The following VCAN variants were observed in gnomAD, a reference collection of about 807,000 sequenced individuals.
The protein encoded by VCAN is versican core protein.
VCAN carries 44 observed loss-of-function variants against 245.5 expected under a neutral mutation model. That is an observed-to-expected ratio of 0.18 (90% CI 0.14 to 0.23). The LOEUF is 0.23. VCAN is among the 10% of genes least tolerant of loss of function. The pLI, the probability that VCAN is intolerant of heterozygous loss-of-function variation, is 1.00. For synonymous variants in VCAN, 1,413 were observed against 1,437.0 expected (o/e 0.98, Z 0.38); for missense variants, 3,793 against 4,057.9 (o/e 0.93, Z 1.77).
chr5:83,486,177 C>T (rs1453560264), intron 2 of VCAN, among the ~76,000 whole-genome samples: 6 of 152,108 alleles, frequency 3.9e-5, no homozygotes, highest in Non-Finnish European at 8.8e-5. Context: ...CCTCCATGTT[C>T]CCCTTGTCCC....
rs1214175564 is a variant in VCAN at position 83,580,670 on chromosome 5, A to C, written c.*236A>C. 1 of 554,960 alleles carries C rather than the reference A, an allele frequency of 1.8e-6. No individual in the cohort carries two copies. The highest frequency in any genetic ancestry group is 1.9e-5 in the African/African-American group (1 of 52,530). The allele number at this position is 554,960 out of a possible 1,614,324, so 34.4% of individuals were successfully genotyped here. ...AAAGTAAGCATTTCCAGCCTATCTAATTTCTTTAGTTTTCTATTTGCCTCC... is the reference window on the plus strand; with the variant it reads ...AAAGTAAGCATTTCCAGCCTATCTACTTTCTTTAGTTTTCTATTTGCCTCC... On this transcript the variant is annotated 3_prime_UTR_variant, in exon 15 of 15. Coordinates refer to ENST00000265077, the MANE Select transcript of VCAN (RefSeq NM_004385.5).
chr5:83,511,038 C>T (rs910572530), intron 5 of VCAN, among the ~76,000 whole-genome samples: 2 of 151,510 alleles, frequency 1.3e-5, no homozygotes, highest in African/African-American at 4.8e-5. Context: ...CGCTTGAACC[C>T]GGGAGGTGTA....
intron 12 of VCAN, among the ~76,000 whole-genome samples, chr5:83,555,959 T>C (rs1747651507): frequency 6.6e-6 from 1 of 152,216 alleles, no homozygotes; most frequent in South Asian, 2.1e-4. Flanking sequence ...TTTTATTACT[T>C]AGGTATTCAG....
intron 5 of VCAN, among the ~76,000 whole-genome samples, chr5:83,504,327 T>C (rs1745419453): frequency 6.6e-6 from 1 of 152,218 alleles, no homozygotes; most frequent in African/African-American, 2.4e-5. Context: ...AAGGCTCTGT[T>C]GTATATCATA....
At chr5:83,548,463 A>G (rs1331793230) in intron 10 of VCAN, among the ~76,000 whole-genome samples, 4 of 152,190 alleles carry the variant, frequency 2.6e-5, no homozygotes, top group Admixed American at 6.5e-5. Flanking sequence ...CTTATTTTTC[A>G]TAGTCAATCA....
chr5:83,543,958 C>G (rs1394302976), intron 8 of VCAN, among the ~76,000 whole-genome samples: 1 of 152,214 alleles, frequency 6.6e-6, no homozygotes, highest in Non-Finnish European at 1.5e-5. Context: ...ATTGGAACGA[C>G]TTCCAGTTCA....
chr5:83,474,930 A>T (rs1340570054), intron 1 of VCAN, among the ~76,000 whole-genome samples: 1 of 151,986 alleles, frequency 6.6e-6, no homozygotes, highest in Non-Finnish European at 1.5e-5. Context: ...GAGGCAGGGG[A>T]GAGGTTAAAA....
At chr5:83,524,268 T>G (rs1468072605) in intron 7 of VCAN, among the ~76,000 whole-genome samples, 1 of 152,118 alleles carries the variant, frequency 6.6e-6, no homozygotes, top group Non-Finnish European at 1.5e-5. Flanking sequence ...CATTTATAAG[T>G]GAGTTGTGGA....
chr5:83,553,484 C>T lies in VCAN; in HGVS notation c.9614C>T (p.Thr3205Ile), dbSNP rs1186770708. 3 of 1,614,042 alleles carry T rather than the reference C, an allele frequency of 1.9e-6. No homozygotes were observed. The African/African-American group carries it at 4.0e-5, about 22-fold the overall frequency. ...TGCCGTCTGCAGGGTGCCCATCTCA[C>T]AAGCATCCTGTCTCACGAAGAACAA... ...RECRLQGAHL[T>I]SILSHEEQMF... The change falls in exon 11 of 15, where the codon ACA (threonine) becomes ATA (isoleucine). Residue 3205 changes from threonine to isoleucine, a missense_variant. Coordinates refer to ENST00000265077, the MANE Select transcript of VCAN (RefSeq NM_004385.5).
At position 83,512,347 on chromosome 5, in the gene VCAN, G is replaced by A; in HGVS notation, c.993G>A (p.Gln331=). 1.2e-6 allele frequency: 2 copies of A among 1,610,642 alleles called. No individual in the cohort carries two copies. The highest frequency in any genetic ancestry group is 2.2e-5 in the South Asian group (2 of 90,994). Residue 331 remains glutamine, a synonymous_variant, in exon 6 of 15, where the codon CAG becomes CAA. Coordinates refer to ENST00000265077, the MANE Select transcript of VCAN (RefSeq NM_004385.5). ...GAACCCTGTATCGTTTTGAGAACCA[G>A]ACAGGCTTCCCTCCCCCTGATAGCA... ...GVRTLYRFEN[Q]TGFPPPDSRF...
At chr5:83,558,218 GTGCAGGCCTT>G (rs1168904951) in intron 12 of VCAN, among the ~76,000 whole-genome samples, 1 of 152,056 alleles carries the variant, frequency 6.6e-6, no homozygotes, top group African/African-American at 2.4e-5. Flanking sequence ...TTCCATATGT[GTGCAGGCCTT>G]TGAATAAAAT....
intron 1 of VCAN, among the ~76,000 whole-genome samples, chr5:83,475,874 A>G (rs1326332150): frequency 6.6e-6 from 1 of 152,222 alleles, no homozygotes; most frequent in African/African-American, 2.4e-5. Flanking sequence ...TTTGGTAGAT[A>G]AAAACAGAGT....
At chr5:83,516,937 T>C (rs1287315835) in intron 6 of VCAN, among the ~76,000 whole-genome samples, 1 of 152,234 alleles carries the variant, frequency 6.6e-6, no homozygotes, top group Non-Finnish European at 1.5e-5. Flanking sequence ...CCACCCAAAC[T>C]GAAAAGGAAG....
chr5:83,522,290 G>C lies in VCAN; in HGVS notation c.3984G>C (p.Glu1328Asp). ...FHPDINVYII[E>D]VRENKTGRMS... is the part of the protein sequence containing the mutation. ...CTGACATTAATGTTTATATTATTGA[G>C]GTCAGAGAAAATAAGACAGGTAAGT... is the stretch of plus-strand genomic sequence containing the variant. Residue 1328 changes from glutamate to aspartate, a missense_variant, in exon 7 of 15, where the codon GAG (glutamate) becomes GAC (aspartate). Physicochemically the swap from Glu to Asp is conservative, Grantham distance 45 (BLOSUM62 2). Around this residue, in one of 5 missense-constraint regions of VCAN, gnomAD observed 3,182 missense variants for 3,250.3 expected, o/e 0.98. Transcript: ENST00000265077. The C allele has an allele frequency of 6.3e-7, 1 of 1,598,878 alleles. No individual in the cohort carries two copies. Among genetic ancestry groups the C allele is most frequent in the Non-Finnish European group, 8.5e-7 (1 of 1,179,872 alleles).
At position 83,545,530 on chromosome 5, in the gene VCAN, A is replaced by G; in HGVS notation, c.9266-7A>G. 6.2e-7 allele frequency: 1 copy of G among 1,613,224 alleles called. No homozygotes were observed. Among genetic ancestry groups the G allele is most frequent in the Admixed American group, 1.7e-5 (1 of 60,020 alleles). The stretch of plus-strand genomic sequence containing the variant: ...AACTGCTTTTCTTACTTTCCTGAAT[A>G]TGGTAGGACCTGATCGCTGCAAAAT... On this transcript the variant is annotated splice_region_variant and splice_polypyrimidine_tract_variant and intron_variant, in intron 8 of 14. Coordinates refer to ENST00000265077, the MANE Select transcript of VCAN (RefSeq NM_004385.5).
intron 3 of VCAN, among the ~76,000 whole-genome samples, chr5:83,491,375 C>T (rs1038940193): frequency 1.3e-4 from 20 of 152,164 alleles, no homozygotes; most frequent in Admixed American, 1.3e-4. Flanking sequence ...TATTAAAAGT[C>T]TTTCTTGTGT....
At chr5:83,530,808 T>G (rs1746488683) in intron 7 of VCAN, among the ~76,000 whole-genome samples, 1 of 151,944 alleles carries the variant, frequency 6.6e-6, no homozygotes, top group Non-Finnish European at 1.5e-5. Flanking sequence ...TATAGAAGTA[T>G]TTGAACTTTT....
rs1320409064 is a variant in VCAN, at chr5:83,540,058, C to T, written c.7055C>T (p.Ser2352Phe). The change falls in exon 8 of 15, where the codon TCC (serine) becomes TTC (phenylalanine). Residue 2352 changes from serine to phenylalanine, a missense_variant. Around this residue, in one of 5 missense-constraint regions of VCAN, gnomAD observed 3,182 missense variants for 3,250.3 expected, o/e 0.98. Coordinates refer to ENST00000265077, the MANE Select transcript of VCAN (RefSeq NM_004385.5). ...CCCACGGTGGCACCTCTCCCTTTCT[C>T]CACGGACATCGGACATCCTCAAAAT... ...EGPTVAPLPF[S>F]TDIGHPQNQT... 1.2e-6 allele frequency: 2 copies of T among 1,614,044 alleles called. No individual in the cohort carries two copies. The highest frequency in any genetic ancestry group is 3.3e-5 in the Admixed American group (2 of 59,986).
chr5:83,533,238 T>G (rs1454049360), intron 7 of VCAN, among the ~76,000 whole-genome samples: 1 of 152,168 alleles, frequency 6.6e-6, no homozygotes, highest in Non-Finnish European at 1.5e-5. Flanking sequence ...TTTCTATCAT[T>G]TTGAAGGCAA....
Sources: allele counts gnomAD v4.1 joint callset (sites outside exome capture counted in the v4.1 genomes callset), GRCh38; gene constraint gnomAD v4.1.1; regional missense constraint gnomAD v4.1.1; transcripts MANE v1.5; gene names NCBI Gene and HGNC (gene_info 2026-07-23, HGNC 2026-07-21).